ZNF548: variants seen among roughly 807,000 people sequenced by gnomAD.
ZNF548 encodes the protein zinc finger protein 548.
ZNF548 carries 10 observed loss-of-function variants against 10.2 expected under a neutral mutation model. That is an observed-to-expected ratio of 0.98 (90% CI 0.60 to 1.66). The LOEUF (loss-of-function observed/expected upper bound fraction) is 1.66. Among genes scored for constraint, ZNF548 ranks in the 40% most tolerant of loss-of-function variants. The pLI, the probability that ZNF548 is intolerant of heterozygous loss-of-function variation, is 0.00. For missense variants in ZNF548, 599 were observed against 657.0 expected (o/e 0.91, Z 0.97); for synonymous variants, 217 against 223.5 (o/e 0.97, Z 0.26).
chr19:57,397,764 G>T (rs2088677728), intron 3 of ZNF548, among the ~76,000 whole-genome samples: 1 of 152,186 alleles, frequency 6.6e-6, no homozygotes, highest in African/African-American at 2.4e-5. Flanking sequence ...GAGGCTCAGG[G>T]ACATGGCCCT....
At chr19:57,392,758 A>T (rs1489847058) in intron 1 of ZNF548, 2 of 985,264 alleles carry the variant, frequency 2.0e-6, no homozygotes, top group African/African-American at 3.5e-5. Context: ...ATTTGAAGTC[A>T]GATGGACTTA....
rs1472844765 is a variant in ZNF548, at chr19:57,399,364, C to T, written c.1113C>T (p.His371=). The change falls in exon 4 of 4, where the codon CAC becomes CAT. Residue 371 remains histidine (H), a synonymous_variant. Coordinates refer to ENST00000336128, the MANE Select transcript of ZNF548 (RefSeq NM_001172773.2). The surrounding 1 kb of genome is among the most constrained non-coding windows in gnomAD (Gnocchi z 4.0). The part of the protein sequence containing the change: ...ISTLIRHQRI[H]TGERPYECSV... ...CACTCATTAGACATCAGAGAATTCA[C>T]ACTGGAGAAAGGCCTTATGAGTGCA... 24 of 1,614,170 alleles carry T rather than the reference C, an allele frequency of 1.5e-5. No individual in the cohort carries two copies. The highest frequency in any genetic ancestry group is 2.0e-5 in the Non-Finnish European group (24 of 1,179,994).
At chr19:57,398,402 C>T (rs1290124216) in intron 3 of ZNF548, 28 bp from the exon 4 acceptor site, 2 of 1,603,810 alleles carry the variant, frequency 1.2e-6, no homozygotes, top group East Asian at 4.5e-5. Context: ...AGTCAACATG[C>T]ACTTCTCCAG....
chr19:57,398,345 G>A (rs549667902), intron 3 of ZNF548, 85 bp from the exon 4 acceptor site: 1 of 1,562,258 alleles, frequency 6.4e-7, no homozygotes, highest in Non-Finnish European at 8.7e-7. Flanking sequence ...CCTTATTTGT[G>A]TGTGTGCCTG....
At chr19:57,396,321 C>T (rs932480659) in intron 2 of ZNF548, among the ~76,000 whole-genome samples, 2 of 152,170 alleles carry the variant, frequency 1.3e-5, no homozygotes, top group African/African-American at 4.8e-5. Context: ...TGGATCCCCC[C>T]ACGGGAGGCC....
chr19:57,400,437 TTTTG>T lies in ZNF548; in HGVS notation c.*556_*559del, dbSNP rs1481527924. 1 of 152,342 alleles carries T rather than the reference TTTTG, an allele frequency of 6.6e-6. No individual in the cohort carries two copies. The highest frequency in any genetic ancestry group is 1.5e-5 in the Non-Finnish European group (1 of 68,418). 9.4% of individuals were successfully genotyped at this position (152,342 alleles called of 1,614,324 possible). On this transcript the variant is annotated 3_prime_UTR_variant, in exon 4 of 4. Transcript: ENST00000336128. ...ATCATATAGGATTTCTATTTTTTTT[TTTTG>T]TTTGTTTTTGAGACAGAGTCTTGCT...
Position 57,399,701 on chromosome 19 carries a change from A to C in ZNF548, c.1450A>C (p.Ser484Arg). The C allele has an allele frequency of 6.2e-7, 1 of 1,614,186 alleles. No homozygotes were observed. The highest frequency in any genetic ancestry group is 1.6e-4 in the Middle Eastern group (1 of 6,062). ...HILVEHQKIH[S>R]GERPYECSEC... ...ACTTGTTGAGCACCAGAAAATCCAC[A>C]GTGGAGAAAGACCTTATGAGTGCAG... is the stretch of plus-strand genomic sequence containing the variant. Residue 484 changes from serine to arginine, a missense_variant, in exon 4 of 4, where the codon AGT becomes CGT. Transcript: ENST00000336128. This position sits in a 1 kb window ranked among gnomAD's most constrained non-coding sequence, Gnocchi z 4.0.
At chr19:57,393,667 G>C (rs1165204792) in intron 1 of ZNF548, among the ~76,000 whole-genome samples, 10 of 122,672 alleles carry the variant, frequency 8.2e-5, no homozygotes, top group African/African-American at 2.4e-4. Flanking sequence ...TCTCACAATA[G>C]AGGAGAGGAG....
chr19:57,393,841 A>T lies in ZNF548; in HGVS notation c.16-347A>T, dbSNP rs561878822. Among the ~76,000 whole-genome samples, 239 of 152,180 alleles carry T rather than the reference A, an allele frequency of 1.6e-3. 1 individual carries two copies. Among genetic ancestry groups the T allele is most frequent in the Non-Finnish European group, 3.0e-3 (207 of 67,990 alleles). ...TCTTAAGCTAAAAACATACATGAAAATTTCAAAACCCCACTCTTTCATTTG... is the reference window on the plus strand; with the variant it reads ...TCTTAAGCTAAAAACATACATGAAATTTTCAAAACCCCACTCTTTCATTTG... On this transcript the variant is annotated intron_variant, in intron 1 of 3. Coordinates refer to ENST00000336128, the MANE Select transcript of ZNF548 (RefSeq NM_001172773.2).
rs192233188 is a variant in ZNF548, at chr19:57,393,896, T to G, written c.16-292T>G. On this transcript the variant is annotated intron_variant, in intron 1 of 3. Coordinates refer to ENST00000336128, the MANE Select transcript of ZNF548 (RefSeq NM_001172773.2). The stretch of plus-strand genomic sequence containing the variant: ...GAACTCATGTACAAAACCATTAATC[T>G]TGGACCATAGCCGCTGATATATATA... The G allele has an allele frequency of 1.9e-3, 884 of 472,868 alleles. 8 individuals are homozygous for G. Among genetic ancestry groups the G allele is most frequent in the African/African-American group, 0.015 (746 of 48,884 alleles). 29.3% of individuals were successfully genotyped at this position (472,868 alleles called of 1,614,324 possible). A position where few individuals can be genotyped will look rare whatever the true frequency, so the allele number is the denominator to read the frequency against.
intron 3 of ZNF548, 150 bp from the exon 4 acceptor site, chr19:57,398,280 A>T: frequency 1.4e-6 from 2 of 1,468,562 alleles, no homozygotes; most frequent in Non-Finnish European, 1.8e-6. Flanking sequence ...CCAGCCCTGC[A>T]TAGTGGACCC....
At position 57,398,608 on chromosome 19, in the gene ZNF548, T is replaced by C. The variant is rs758098172; in HGVS notation, c.357T>C (p.Pro119=). ...TGGTTGAGCACAATGGAATTCATCC[T>C]GAGCAACACATATATATTTGTGAGG... ...LCLVEHNGIH[P]EQHIYICEAE... Residue 119 remains proline, a synonymous_variant, in exon 4 of 4, where the codon CCT becomes CCC. Coordinates refer to ENST00000336128, the MANE Select transcript of ZNF548 (RefSeq NM_001172773.2). 7 of 1,614,090 alleles carry C rather than the reference T, an allele frequency of 4.3e-6. No homozygotes were observed. In the South Asian group the frequency reaches 7.7e-5, roughly 18 times the overall value.
chr19:57,391,582 C>T (rs1278788643), intron 1 of ZNF548, among the ~76,000 whole-genome samples: 1 of 152,092 alleles, frequency 6.6e-6, no homozygotes, highest in Non-Finnish European at 1.5e-5. Flanking sequence ...TTCTCACCAA[C>T]AGTGTGTAAC....
At chr19:57,394,533 A>T (rs2088651836) in intron 2 of ZNF548, among the ~76,000 whole-genome samples, 1 of 152,188 alleles carries the variant, frequency 6.6e-6, no homozygotes, top group Non-Finnish European at 1.5e-5. Context: ...TACGGAGCAG[A>T]ATGGGAGGTG....
At chr19:57,398,373 A>T in intron 3 of ZNF548, 57 bp from the exon 4 acceptor site, 4 of 1,583,432 alleles carry the variant, frequency 2.5e-6, no homozygotes, top group Non-Finnish European at 3.4e-6. Flanking sequence ...TTTGTGATGG[A>T]GCTGCTTCCT....
chr19:57,397,025 A>G (rs1385392532), intron 2 of ZNF548, 23 bp from the exon 3 acceptor site: 4 of 1,596,946 alleles, frequency 2.5e-6, no homozygotes, highest in African/African-American at 1.4e-5. Flanking sequence ...CTGCTTATGT[A>G]TTCATCTTTC....
rs972448860 is a variant in ZNF548 at position 57,400,166 on chromosome 19, A to T, written c.*277A>T. ...TTGAGACTGGCTTATTTCACTTAGG[A>T]TAAGGTCTTCACGGTTCACCCATGT... On this transcript the variant is annotated 3_prime_UTR_variant, in exon 4 of 4. Coordinates refer to ENST00000336128, the MANE Select transcript of ZNF548 (RefSeq NM_001172773.2). The T allele has an allele frequency of 1.2e-5, 4 of 344,366 alleles. No homozygotes were observed. Among genetic ancestry groups the T allele is most frequent in the African/African-American group, 2.1e-5 (1 of 48,354 alleles). The allele number at this position is 344,366 out of a possible 1,614,324, so 21.3% of individuals were successfully genotyped here.
intron 1 of ZNF548, 190 bp from the exon 2 acceptor site, chr19:57,393,996 GGA>G: frequency 1.5e-6 from 1 of 655,604 alleles, no homozygotes; most frequent in Non-Finnish European, 2.7e-6. Context: ...ATTTACAGAT[GGA>G]GACACTGAAG....
rs371523262 is a variant in ZNF548 at position 57,399,721 on chromosome 19, G to A, written c.1470G>A (p.Glu490=). 23 of 1,614,072 alleles carry A rather than the reference G, an allele frequency of 1.4e-5. No individual in the cohort carries two copies. The African/African-American group carries it at 2.8e-4, about 20-fold the overall frequency. The change falls in exon 4 of 4, where the codon GAG becomes GAA. Residue 490 remains glutamate, a synonymous_variant. Transcript: ENST00000336128. This position sits in a 1 kb window ranked among gnomAD's most constrained non-coding sequence, Gnocchi z 4.0. ...QKIHSGERPY[E]CSECQKAFIR... ...TCCACAGTGGAGAAAGACCTTATGA[G>A]TGCAGCGAATGCCAGAAGGCCTTTA...
Sources: allele counts gnomAD v4.1 joint callset (sites outside exome capture counted in the v4.1 genomes callset), GRCh38; gene constraint gnomAD v4.1.1; non-coding constraint Gnocchi (gnomAD v3.1); transcripts MANE v1.5; gene names NCBI Gene and HGNC (gene_info 2026-07-23, HGNC 2026-07-21).